The following HS3ST3A1 variants were observed in gnomAD, a reference collection of about 807,000 sequenced individuals.
The protein encoded by HS3ST3A1 is heparan sulfate glucosamine 3-O-sulfotransferase 3A1.
Under a neutral mutation model 25.7 loss-of-function variants are expected in HS3ST3A1, and 19 were observed. The observed-to-expected ratio is 0.74, with a 90% CI of 0.52 to 1.08. The LOEUF is 1.08. Among genes scored for constraint, HS3ST3A1 ranks in the 50% least tolerant of loss-of-function variants. The pLI, the probability that HS3ST3A1 is intolerant of heterozygous loss-of-function variation, is 0.00. For missense variants in HS3ST3A1, 459 were observed against 594.3 expected (o/e 0.77, Z 2.37); for synonymous variants, 226 against 278.6 (o/e 0.81, Z 1.88).
intron 1 of HS3ST3A1, among the ~76,000 whole-genome samples, chr17:13,585,131 T>G: frequency 6.7e-6 from 1 of 149,144 alleles, no homozygotes; most frequent in Non-Finnish European, 1.5e-5. Flanking sequence ...GAAAGAACTA[T>G]ACCATGAACA....
At chr17:13,506,904 A>C (rs1393060745) in intron 1 of HS3ST3A1, among the ~76,000 whole-genome samples, 2 of 150,346 alleles carry the variant, frequency 1.3e-5, no homozygotes, top group Non-Finnish European at 3.0e-5. Flanking sequence ...TAAAATACAA[A>C]AAAAAAAAAA....
intron 1 of HS3ST3A1, among the ~76,000 whole-genome samples, chr17:13,533,014 C>G (rs910649271): frequency 3.3e-5 from 5 of 152,118 alleles, no homozygotes; most frequent in East Asian, 1.9e-4. Flanking sequence ...CTCATCCACT[C>G]TAGACCTCAG....
intron 1 of HS3ST3A1, among the ~76,000 whole-genome samples, chr17:13,518,369 G>A: frequency 6.6e-6 from 1 of 152,068 alleles, no homozygotes; most frequent in East Asian, 1.9e-4. Context: ...CTTAGAAAGA[G>A]CCCCAAAATA....
chr17:13,557,593 G>A (rs1313532272), intron 1 of HS3ST3A1, among the ~76,000 whole-genome samples: 1 of 152,186 alleles, frequency 6.6e-6, no homozygotes, highest in Non-Finnish European at 1.5e-5. Context: ...AATAAAGACA[G>A]GTTAAGAAGC....
chr17:13,567,908 T>C (rs911440635), intron 1 of HS3ST3A1, among the ~76,000 whole-genome samples: 1 of 152,204 alleles, frequency 6.6e-6, no homozygotes, highest in Non-Finnish European at 1.5e-5. Flanking sequence ...ATAAACTTAG[T>C]AGATAAAACA....
At chr17:13,572,727 G>A (rs768910554) in intron 1 of HS3ST3A1, among the ~76,000 whole-genome samples, 5 of 152,184 alleles carry the variant, frequency 3.3e-5, no homozygotes, top group Non-Finnish European at 4.4e-5. Flanking sequence ...TTAAGTAGAC[G>A]GGGAATTCAA....
rs1395357582 is a variant in HS3ST3A1 at position 13,512,321 on chromosome 17, A to AAAAAAAAAAAAAAAAAAAAC, written c.600-15504_600-15503insGTTTTTTTTTTTTTTTTTTT. 2.5e-4 allele frequency among the ~76,000 whole-genome samples: 36 copies of AAAAAAAAAAAAAAAAAAAAC among 144,664 alleles called. 1 individual carries two copies. The highest frequency in any genetic ancestry group is 6.0e-4 in the African/African-American group (23 of 38,112). 94.9% of individuals were successfully genotyped at this position (144,664 alleles called of 152,430 possible). On this transcript the variant is annotated intron_variant, in intron 1 of 1. Transcript: ENST00000284110. Reference sequence around the variant, plus strand: ...ACTCCGTCTCAAAAAAAAAAAAAAAAAAAAAACTGCATGATCCCATTTATA... The same window carrying AAAAAAAAAAAAAAAAAAAAC: ...ACTCCGTCTCAAAAAAAAAAAAAAAAAAAAAAAAAAAAAAAAAAACAAAAAACTGCATGATCCCATTTATA...
chr17:13,555,518 AG>A (rs1243816214), intron 1 of HS3ST3A1, among the ~76,000 whole-genome samples: 5 of 152,124 alleles, frequency 3.3e-5, no homozygotes, highest in Non-Finnish European at 4.4e-5. Context: ...CAGATCCCTG[AG>A]GGCCCCTTAG....
Position 13,551,110 on chromosome 17 carries a change from G to A in HS3ST3A1, c.599+49421C>T, listed in dbSNP as rs150023991. Among the ~76,000 whole-genome samples the A allele has an allele frequency of 2.2e-3, 305 of 140,810 alleles. 2 individuals are homozygous for A. The highest frequency in any genetic ancestry group is 4.3e-3 in the Middle Eastern group (1 of 230). 92.4% of individuals were successfully genotyped at this position (140,810 alleles called of 152,430 possible). ...AAATCAATTCAAAAAAATCTATAAC[G>A]AGTAAAATACCAATAATCACGAGGT... On this transcript the variant is annotated intron_variant, in intron 1 of 1. Transcript: ENST00000284110.
intron 1 of HS3ST3A1, among the ~76,000 whole-genome samples, chr17:13,598,756 A>G (rs923310837): frequency 1.1e-4 from 16 of 152,056 alleles, no homozygotes; most frequent in Non-Finnish European, 1.2e-4. Flanking sequence ...AGAAAGGTCC[A>G]TGGAAAATAA....
At chr17:13,575,504 G>A (rs1202049328) in intron 1 of HS3ST3A1, among the ~76,000 whole-genome samples, 2 of 152,126 alleles carry the variant, frequency 1.3e-5, no homozygotes, top group Non-Finnish European at 2.9e-5. Context: ...TTCTAACTGT[G>A]GTGACTTGCA....
chr17:13,533,999 T>C (rs1219584263), intron 1 of HS3ST3A1, among the ~76,000 whole-genome samples: 1 of 152,202 alleles, frequency 6.6e-6, no homozygotes, highest in Non-Finnish European at 1.5e-5. Context: ...TTCGTTTGTC[T>C]CAATTCCATA....
At chr17:13,583,398 CAG>C (rs1465234306) in intron 1 of HS3ST3A1, among the ~76,000 whole-genome samples, 1 of 152,144 alleles carries the variant, frequency 6.6e-6, no homozygotes, top group Non-Finnish European at 1.5e-5. Context: ...TACATATATG[CAG>C]AGAGTCACAA....
intron 1 of HS3ST3A1, among the ~76,000 whole-genome samples, chr17:13,591,048 CT>C (rs552742240): frequency 0.018 from 2,491 of 136,596 alleles, 49 homozygotes; most frequent in African/African-American, 0.063. Context: ...TTTTTCTTTT[CT>C]TTTTTTTTTT....
intron 1 of HS3ST3A1, among the ~76,000 whole-genome samples, chr17:13,500,557 A>G (rs1033619742): frequency 1.3e-5 from 2 of 152,200 alleles, no homozygotes; most frequent in Non-Finnish European, 2.9e-5. Flanking sequence ...GAGAAATTCA[A>G]CTGGATGATG....
intron 1 of HS3ST3A1, among the ~76,000 whole-genome samples, chr17:13,571,961 C>T (rs1423797473): frequency 1.3e-5 from 2 of 152,018 alleles, no homozygotes; most frequent in African/African-American, 4.8e-5. Flanking sequence ...GGTTTCGCCA[C>T]ACTAGCCAGT....
chr17:13,503,622 G>A (rs1905560909), intron 1 of HS3ST3A1, among the ~76,000 whole-genome samples: 1 of 152,136 alleles, frequency 6.6e-6, no homozygotes, highest in South Asian at 2.1e-4. Flanking sequence ...CACACGAGAA[G>A]GCACTGAACT....
intron 1 of HS3ST3A1, among the ~76,000 whole-genome samples, chr17:13,520,117 G>T (rs1364569339): frequency 6.6e-6 from 1 of 152,116 alleles, no homozygotes; most frequent in Non-Finnish European, 1.5e-5. Context: ...AAATTCAGTT[G>T]CTTGCCACCA....
chr17:13,573,133 T>C (rs1339787709), intron 1 of HS3ST3A1, among the ~76,000 whole-genome samples: 1 of 152,182 alleles, frequency 6.6e-6, no homozygotes, highest in Non-Finnish European at 1.5e-5. Context: ...TTGGCTCTCC[T>C]TAGCCTCCTT....
Sources: gnomAD v4.1 joint callset for allele counts (sites outside exome capture counted in the v4.1 genomes callset) on GRCh38, gnomAD v4.1.1 for gene constraint, MANE v1.5 for transcripts, NCBI Gene and HGNC (gene_info 2026-07-23, HGNC 2026-07-21) for gene names.